GALNT17: variants seen among roughly 807,000 people sequenced by gnomAD.
The protein encoded by GALNT17 is polypeptide N-acetylgalactosaminyltransferase 17, also known as UDP-GalNAc:polypeptide N-acetylgalactosaminyltransferase-like 3.
GALNT17 carries 29 observed loss-of-function variants against 63.7 expected under a neutral mutation model. The observed-to-expected ratio is 0.46, with a 90% CI of 0.34 to 0.62. The LOEUF is 0.62. Among genes scored for constraint, GALNT17 ranks in the 20% least tolerant of loss-of-function variants. GALNT17 has a pLI of 0.01. For missense variants in GALNT17, 603 were observed against 799.6 expected (o/e 0.75, Z 2.97); for synonymous variants, 305 against 318.3 (o/e 0.96, Z 0.45).
intron 6 of GALNT17, among the ~76,000 whole-genome samples, chr7:71,580,174 G>A (rs1333693407): frequency 6.6e-6 from 1 of 151,180 alleles, no homozygotes; most frequent in East Asian, 2.0e-4. Flanking sequence ...ATGAGATATA[G>A]GTTAGATAGA....
intron 5 of GALNT17, among the ~76,000 whole-genome samples, chr7:71,464,005 A>G (rs1787495376): frequency 1.3e-5 from 2 of 152,246 alleles, no homozygotes; most frequent in East Asian, 1.9e-4. Context: ...TCTCAGCCTT[A>G]TTTCACCCAG....
chr7:71,286,697 C>T (rs1236086395), intron 1 of GALNT17, among the ~76,000 whole-genome samples: 1 of 151,960 alleles, frequency 6.6e-6, no homozygotes, highest in East Asian at 1.9e-4. Context: ...CTTCCTGAGC[C>T]TTGGTTTCCT....
chr7:71,622,507 G>A (rs559198901), intron 6 of GALNT17, among the ~76,000 whole-genome samples: 2 of 152,052 alleles, frequency 1.3e-5, no homozygotes, highest in East Asian at 1.9e-4. Context: ...TGTCTCTCTC[G>A]GCTTCTGCTG....
At chr7:71,420,319 T>C (rs981142021) in intron 4 of GALNT17, among the ~76,000 whole-genome samples, 1 of 152,200 alleles carries the variant, frequency 6.6e-6, no homozygotes, top group African/African-American at 2.4e-5. Flanking sequence ...CAGTCTCCTA[T>C]TGCTAACCAA....
chr7:71,624,288 A>T (rs1464456270), intron 6 of GALNT17, among the ~76,000 whole-genome samples: 1 of 152,196 alleles, frequency 6.6e-6, no homozygotes, highest in African/African-American at 2.4e-5. Context: ...CTAGGATCTG[A>T]AAAGGTCTCA....
At chr7:71,562,010 C>T (rs1387586609) in intron 5 of GALNT17, among the ~76,000 whole-genome samples, 1 of 151,816 alleles carries the variant, frequency 6.6e-6, no homozygotes, top group Non-Finnish European at 1.5e-5. Context: ...GGCTGGAGTG[C>T]AGTGGTGCGA....
At chr7:71,219,715 T>A (rs1458988229) in intron 1 of GALNT17, among the ~76,000 whole-genome samples, 2 of 152,172 alleles carry the variant, frequency 1.3e-5, no homozygotes, top group Non-Finnish European at 2.9e-5. Context: ...CTGCAAGGGG[T>A]CTGTCTACTC....
At chr7:71,339,099 C>G (rs115147047) in intron 2 of GALNT17, among the ~76,000 whole-genome samples, 1 of 152,012 alleles carries the variant, frequency 6.6e-6, no homozygotes, top group African/African-American at 2.4e-5. Context: ...TTTTGTACTT[C>G]TATAAGAATG....
intron 6 of GALNT17, among the ~76,000 whole-genome samples, chr7:71,582,925 T>G (rs891036855): frequency 6.6e-6 from 1 of 152,120 alleles, no homozygotes; most frequent in Admixed American, 6.5e-5. Context: ...AAGAACTTAC[T>G]CAGGTAACCA....
At chr7:71,543,046 A>C (rs1223178566) in intron 5 of GALNT17, among the ~76,000 whole-genome samples, 1 of 151,876 alleles carries the variant, frequency 6.6e-6, no homozygotes, top group Admixed American at 6.6e-5. Context: ...TTAAAAAAAA[A>C]AAAAAAAGCC....
intron 5 of GALNT17, among the ~76,000 whole-genome samples, chr7:71,515,695 A>G (rs1347452594): frequency 2.0e-5 from 3 of 152,114 alleles, no homozygotes; most frequent in Non-Finnish European, 4.4e-5. Flanking sequence ...ATAATTGAGG[A>G]ATTTAGTACT....
intron 2 of GALNT17, among the ~76,000 whole-genome samples, chr7:71,345,450 C>T (rs1792074266): frequency 6.6e-6 from 1 of 152,192 alleles, no homozygotes; most frequent in Admixed American, 6.5e-5. Flanking sequence ...CTCAGAAAGT[C>T]TCCTCTTTCT....
intron 6 of GALNT17, among the ~76,000 whole-genome samples, chr7:71,573,616 G>A (rs1789487947): frequency 6.6e-6 from 1 of 152,164 alleles, no homozygotes; most frequent in South Asian, 2.1e-4. Flanking sequence ...TTACAGGCGT[G>A]AGCCACCACA....
chr7:71,535,595 A>C (rs1788790559), intron 5 of GALNT17, among the ~76,000 whole-genome samples: 1 of 152,252 alleles, frequency 6.6e-6, no homozygotes. Context: ...AGTTCTGCTT[A>C]TCAACACAAA....
chr7:71,678,734 G>T (rs1357157031), intron 9 of GALNT17, among the ~76,000 whole-genome samples: 1 of 151,618 alleles, frequency 6.6e-6, no homozygotes, highest in Non-Finnish European at 1.5e-5. Flanking sequence ...GGTGGAGCTT[G>T]CAGTGAGCCA....
chr7:71,530,796 C>T (rs1788707691), intron 5 of GALNT17, among the ~76,000 whole-genome samples: 1 of 152,010 alleles, frequency 6.6e-6, no homozygotes, highest in African/African-American at 2.4e-5. Flanking sequence ...TCTCGATCTC[C>T]TGACCTTGTG....
At chr7:71,465,921 C>G (rs182573299) in intron 5 of GALNT17, among the ~76,000 whole-genome samples, 169 of 152,288 alleles carry the variant, frequency 1.1e-3, no homozygotes, top group Non-Finnish European at 1.4e-3. Flanking sequence ...TGAAGTCTCA[C>G]ATGGTAGCAG....
At chr7:71,398,545 C>CT (rs1793181439) in intron 3 of GALNT17, among the ~76,000 whole-genome samples, 1 of 152,102 alleles carries the variant, frequency 6.6e-6, no homozygotes, top group Admixed American at 6.6e-5. Context: ...CCTGCATAGT[C>CT]TGTTTCTAAA....
chr7:71,443,563 T>C (rs1197024426), intron 5 of GALNT17, among the ~76,000 whole-genome samples: 1 of 152,040 alleles, frequency 6.6e-6, no homozygotes, highest in Non-Finnish European at 1.5e-5. Flanking sequence ...GCTCCCCTTA[T>C]TTCTCCACGT....
Sources: gnomAD v4.1 joint callset for allele counts (sites outside exome capture counted in the v4.1 genomes callset) on GRCh38, gnomAD v4.1.1 for gene constraint, MANE v1.5 for transcripts, NCBI Gene and HGNC (gene_info 2026-07-23, HGNC 2026-07-21) for gene names.